The following ZNF672 variants were observed in gnomAD, a reference collection of about 807,000 sequenced individuals.
ZNF672 encodes hypothetical protein FLJ22301.
For missense variants in ZNF672, 733 were observed against 701.1 expected (o/e 1.05, Z -0.51); for synonymous variants, 358 against 305.6 (o/e 1.17, Z -1.79).
Position 248,847,668 on chromosome 1 carries a change from C to A in ZNF672, c.394C>A (p.Leu132Met). 6.7e-7 allele frequency: 1 copy of A among 1,490,426 alleles called. No individual in the cohort carries two copies. The highest frequency in any genetic ancestry group is 8.9e-7 in the Non-Finnish European group (1 of 1,125,214). The allele number at this position is 1,490,426 out of a possible 1,614,324, so 92.3% of individuals were successfully genotyped here. Reference sequence around the variant, plus strand: ...GCCAGAGCGGCCCCGCCGCTGCCCGCTGTGCGCCCGCACCTTCCGGCAGAG... The same window carrying A: ...GCCAGAGCGGCCCCGCCGCTGCCCGATGTGCGCCCGCACCTTCCGGCAGAG... ...HLPERPRRCP[L>M]CARTFRQSAL... Residue 132 changes from leucine to methionine, a missense_variant, in exon 4 of 4, where the codon CTG becomes ATG. By Grantham distance (15) the Leu-to-Met change is conservative. Coordinates refer to ENST00000306562, the MANE Select transcript of ZNF672 (RefSeq NM_024836.3).
At position 248,848,111 on chromosome 1, in the gene ZNF672, C is replaced by T. The variant is rs1413197275; in HGVS notation, c.837C>T (p.Gly279=). ...TGCGCCATCGGCGCAGCCATCAGGG[C>T]GAGCGGCCACATGCGTGCGCCACTT... ...TLLRHRRSHQ[G]ERPHACATCG... The change falls in exon 4 of 4, where the codon GGC becomes GGT. Residue 279 remains glycine, a synonymous_variant. Coordinates refer to ENST00000306562, the MANE Select transcript of ZNF672 (RefSeq NM_024836.3). 6.4e-7 allele frequency: 1 copy of T among 1,555,056 alleles called. No homozygotes were observed. Among genetic ancestry groups the T allele is most frequent in the South Asian group, 1.2e-5 (1 of 85,960 alleles).
chr1:248,847,938 T>A lies in ZNF672; in HGVS notation c.664T>A (p.Ser222Thr). 6.4e-7 allele frequency: 1 copy of A among 1,574,626 alleles called. No homozygotes were observed. The highest frequency in any genetic ancestry group is 8.6e-7 in the Non-Finnish European group (1 of 1,161,316). The part of the protein sequence containing the change: ...STLTRHLQTH[S>T]GEKPFKCPEC... ...GCTGACGCGACACCTGCAGACGCACTCGGGGGAGAAACCCTTCAAGTGCCC... is the reference window on the plus strand; with the variant it reads ...GCTGACGCGACACCTGCAGACGCACACGGGGGAGAAACCCTTCAAGTGCCC... The change falls in exon 4 of 4, where the codon TCG becomes ACG. Residue 222 changes from serine to threonine, a missense_variant. By Grantham distance (58) the Ser-to-Thr change is moderately conservative. Transcript: ENST00000306562.
Position 248,848,325 on chromosome 1 carries a change from G to T in ZNF672, c.1051G>T (p.Val351Leu). The T allele has an allele frequency of 6.2e-7, 1 of 1,601,894 alleles. No homozygotes were observed. The change falls in exon 4 of 4, where the codon GTG (valine) becomes TTG (leucine). Residue 351 changes from valine (V) to leucine (L), a missense_variant. Val to Leu is a conservative substitution (Grantham distance 32). Transcript: ENST00000306562. ...CELCGKRFTCVSNLNVHRRNH... is the reference protein window; with the variant it reads ...CELCGKRFTCLSNLNVHRRNH... ...ACTGTGCGGCAAGCGGTTCACGTGCGTGTCCAATCTCAACGTGCATCGGCG... is the reference window on the plus strand; with the variant it reads ...ACTGTGCGGCAAGCGGTTCACGTGCTTGTCCAATCTCAACGTGCATCGGCG...
chr1:248,847,609 C>T lies in ZNF672; in HGVS notation c.335C>T (p.Pro112Leu), dbSNP rs779525894. 5.2e-6 allele frequency: 8 copies of T among 1,534,446 alleles called. No homozygotes were observed. In the East Asian group the frequency reaches 7.3e-5, roughly 14 times the overall value. Residue 112 changes from proline to leucine, a missense_variant, in exon 4 of 4, where the codon CCG becomes CTG. Physicochemically the swap from Pro to Leu is moderately conservative, Grantham distance 98. Transcript: ENST00000306562. ...RTCGRRFPHLPALLLHRRRQH... is the reference protein window; with the variant it reads ...RTCGRRFPHLLALLLHRRRQH... ...TGCGGCCGGCGCTTCCCGCACCTCC[C>T]GGCGCTGCTGCTACACCGGCGCCGC...
chr1:248,846,923 G>C, intron 3 of ZNF672, 129 bp from the exon 4 acceptor site: 1 of 229,480 alleles, frequency 4.4e-6, no homozygotes, highest in South Asian at 1.0e-4. Context: ...CCATGGCTTT[G>C]CTTTGTCTTG....
At chr1:248,840,257 C>A (rs11205424) in intron 1 of ZNF672, among the ~76,000 whole-genome samples, 1,843 of 150,476 alleles carry the variant, frequency 0.012, 51 homozygotes, top group African/African-American at 0.043. Flanking sequence ...TGCCTGGCTA[C>A]TTTTTTGTAT....
intron 2 of ZNF672, among the ~76,000 whole-genome samples, chr1:248,845,243 C>T (rs115330429): frequency 0.014 from 2,170 of 152,256 alleles, 60 homozygotes; most frequent in African/African-American, 0.049. Context: ...GCCTGGGCGA[C>T]AGGGCGAGAC....
In ZNF672 at chr1:248,848,656, T is replaced by C; in HGVS notation, c.*23T>C. 1.3e-6 allele frequency: 2 copies of C among 1,541,566 alleles called. No homozygotes were observed. The highest frequency in any genetic ancestry group is 1.7e-6 in the Non-Finnish European group (2 of 1,145,244). ...TAGTTGAGGGAGGCTTGCTGAGGCTTCTCTAAAGGTGGTTGGGCAAGCACC... is the reference window on the plus strand; with the variant it reads ...TAGTTGAGGGAGGCTTGCTGAGGCTCCTCTAAAGGTGGTTGGGCAAGCACC... On this transcript the variant is annotated 3_prime_UTR_variant, in exon 4 of 4. Transcript: ENST00000306562.
In ZNF672 at chr1:248,848,314, G is replaced by T; in HGVS notation, c.1040G>T (p.Arg347Leu). 6.9e-6 allele frequency: 11 copies of T among 1,602,162 alleles called. No homozygotes were observed. Among genetic ancestry groups the T allele is most frequent in the Non-Finnish European group, 9.3e-6 (11 of 1,179,710 alleles). Reference protein sequence around the residue: ...KPYRCELCGKRFTCVSNLNVH... With the variant: ...KPYRCELCGKLFTCVSNLNVH... ...TACCGCTGCGAACTGTGCGGCAAGC[G>T]GTTCACGTGCGTGTCCAATCTCAAC... The change falls in exon 4 of 4, where the codon CGG becomes CTG. Residue 347 changes from arginine to leucine, a missense_variant. Physicochemically the swap from Arg to Leu is moderately radical, Grantham distance 102. Transcript: ENST00000306562.
rs575329059 is a variant in ZNF672, at chr1:248,848,725, A to G, written c.*92A>G. On this transcript the variant is annotated 3_prime_UTR_variant, in exon 4 of 4. Coordinates refer to ENST00000306562, the MANE Select transcript of ZNF672 (RefSeq NM_024836.3). The stretch of plus-strand genomic sequence containing the variant: ...CAGTTGAGGCAACTCGTAGATGGAG[A>G]TTTGGGAAAAGACGATGTGGCCTCC... 1 of 1,470,214 alleles carries G rather than the reference A, an allele frequency of 6.8e-7. No individual in the cohort carries two copies. Among genetic ancestry groups the G allele is most frequent in the South Asian group, 1.4e-5 (1 of 70,446 alleles). The allele number at this position is 1,470,214 out of a possible 1,614,324, so 91.1% of individuals were successfully genotyped here.
intron 1 of ZNF672, among the ~76,000 whole-genome samples, chr1:248,843,526 T>C (rs1367756801): frequency 6.6e-6 from 1 of 152,162 alleles, no homozygotes; most frequent in Non-Finnish European, 1.5e-5. Flanking sequence ...GTCAGTGACC[T>C]TTTCTCAGGT....
intron 1 of ZNF672, among the ~76,000 whole-genome samples, chr1:248,841,412 ATGTT>A (rs1411007345): frequency 6.6e-6 from 1 of 152,018 alleles, no homozygotes; most frequent in Non-Finnish European, 1.5e-5. Flanking sequence ...CCCACTATGT[ATGTT>A]CTCTCCTTGT....
rs199876787 is a variant in ZNF672, at chr1:248,848,198, G to A, written c.924G>A (p.Glu308=). 18 of 1,600,722 alleles carry A rather than the reference G, an allele frequency of 1.1e-5. No homozygotes were observed. Among genetic ancestry groups the A allele is most frequent in the Non-Finnish European group, 1.4e-5 (17 of 1,177,166 alleles). The change falls in exon 4 of 4, where the codon GAG becomes GAA. Residue 308 remains glutamate, a synonymous_variant. Coordinates refer to ENST00000306562, the MANE Select transcript of ZNF672 (RefSeq NM_024836.3). The part of the protein sequence containing the change: ...LVVHQRIHTG[E]KPFACPECGR... ...TGCACCAGCGCATCCACACGGGCGA[G>A]AAGCCCTTCGCGTGCCCCGAGTGCG... is the stretch of plus-strand genomic sequence containing the variant.
rs1659290092 is a variant in ZNF672, at chr1:248,849,256, G to A, written c.*623G>A. ...TGGCCAGTCACGTGAAGGTGGGCAG[G>A]GCCCTTAGCATGGCCACACATGTCC... is the stretch of plus-strand genomic sequence containing the variant. On this transcript the variant is annotated 3_prime_UTR_variant, in exon 4 of 4. Transcript: ENST00000306562. 2.6e-6 allele frequency: 1 copy of A among 389,618 alleles called. No individual in the cohort carries two copies. 24.1% of individuals were successfully genotyped at this position (389,618 alleles called of 1,614,324 possible).
intron 1 of ZNF672, among the ~76,000 whole-genome samples, chr1:248,842,425 A>G (rs1664692862): frequency 6.6e-6 from 1 of 152,148 alleles, no homozygotes; most frequent in South Asian, 2.1e-4. Context: ...ACATAGTGGG[A>G]GTTTATCCTG....
chr1:248,838,612 G>A (rs1664614371), intron 1 of ZNF672, 61 bp downstream of exon 1: 1 of 152,300 alleles, frequency 6.6e-6, no homozygotes, highest in Non-Finnish European at 1.5e-5. Context: ...CCTCAGCTGT[G>A]GCTAGTCTTC....
intron 1 of ZNF672, chr1:248,838,768 C>T (rs1045178580): frequency 2.0e-5 from 3 of 152,290 alleles, no homozygotes; most frequent in Non-Finnish European, 4.4e-5. Flanking sequence ...CGCCTGTCCT[C>T]GCTGGTCCGC....
chr1:248,848,623 CTG>C lies in ZNF672; in HGVS notation c.1353_1354del (p.Ser452LeufsTer11). 1.9e-6 allele frequency: 3 copies of C among 1,575,960 alleles called. No homozygotes were observed. Among genetic ancestry groups the C allele is most frequent in the African/African-American group, 1.4e-5 (1 of 74,018 alleles). On this transcript the variant is annotated frameshift_variant, in exon 4 of 4. Coordinates refer to ENST00000306562, the MANE Select transcript of ZNF672 (RefSeq NM_024836.3). LOFTEE classifies it high-confidence loss of function. The stretch of plus-strand genomic sequence containing the variant: ...GCTGAACAGGAAAAGCCAGGGTTCT[CTG>C]TGTCCTAGTTGAGGGAGGCTTGCTG...
chr1:248,848,519 GGCCCACACGCGC>G lies in ZNF672; in HGVS notation c.1250_1261del (p.His417_Ala420del). On this transcript the variant is annotated inframe_deletion, in exon 4 of 4. Transcript: ENST00000306562. Reference sequence around the variant, plus strand: ...GCCGCTCGCTGTCACAGCATCAGCGGGCCCACACGCGCGCCCGCACCGCTGCCGCCGTTGCCA... The same window carrying G: ...GCCGCTCGCTGTCACAGCATCAGCGGGCCCGCACCGCTGCCGCCGTTGCCA... 5 of 1,601,372 alleles carry G rather than the reference GGCCCACACGCGC, an allele frequency of 3.1e-6. No individual in the cohort carries two copies. The South Asian group carries it at 4.4e-5, about 14-fold the overall frequency.
Sources: gnomAD v4.1 joint callset for allele counts (sites outside exome capture counted in the v4.1 genomes callset) on GRCh38, gnomAD v4.1.1 for gene constraint, MANE v1.5 for transcripts, NCBI Gene and HGNC (gene_info 2026-07-23, HGNC 2026-07-21) for gene names.